Variants in BNC2 observed in about 807,000 individuals in gnomAD.
BNC2 encodes basonuclin zinc finger protein 2.
Under a neutral mutation model 76.3 loss-of-function variants are expected in BNC2, and 20 were observed. The observed-to-expected ratio is 0.26, with a 90% confidence interval of 0.18 to 0.38. BNC2 has a LOEUF of 0.38. Among genes scored for constraint, BNC2 ranks in the 10% least tolerant of loss-of-function variants. BNC2 has a pLI of 1.00. For missense variants in BNC2, 1,382 were observed against 1,399.8 expected, an observed-to-expected ratio of 0.99 and a Z score of 0.20; for synonymous variants, 582 against 514.8, an observed-to-expected ratio of 1.13 and a Z score of -1.77.
At chr9:16,542,372 G>C (rs938609142) in intron 5 of BNC2, among the ~76,000 whole-genome samples, 2 of 152,030 alleles carry the variant, frequency 1.3e-5, no homozygotes, top group African/African-American at 2.4e-5. Flanking sequence ...AAAAAAGAGA[G>C]AAAGAAAAGA....
At chr9:16,869,576 A>G (rs1195420869) in intron 1 of BNC2, among the ~76,000 whole-genome samples, 1 of 152,210 alleles carries the variant, frequency 6.6e-6, no homozygotes, top group Non-Finnish European at 1.5e-5. Flanking sequence ...TGTTCCCTCT[A>G]TATACGGAAT....
intron 1 of BNC2, among the ~76,000 whole-genome samples, chr9:16,789,685 A>G (rs181193425): frequency 1.9e-4 from 29 of 152,210 alleles, no homozygotes; most frequent in African/African-American, 7.0e-4. Context: ...TATTTCATTC[A>G]CAGAAATGTA....
intron 1 of BNC2, among the ~76,000 whole-genome samples, chr9:16,755,022 G>A (rs1825339459): frequency 6.6e-6 from 1 of 152,006 alleles, no homozygotes; most frequent in Non-Finnish European, 1.5e-5. Context: ...TCCACATATT[G>A]CCCACACTTA....
intron 4 of BNC2, among the ~76,000 whole-genome samples, chr9:16,563,311 C>T (rs760753883): frequency 3.9e-5 from 6 of 152,072 alleles, no homozygotes; most frequent in Non-Finnish European, 8.8e-5. Flanking sequence ...TGCCTCTAAA[C>T]TGAAGACTAA....
intron 5 of BNC2, among the ~76,000 whole-genome samples, chr9:16,480,111 A>C (rs1822014166): frequency 6.6e-6 from 1 of 152,236 alleles, no homozygotes; most frequent in South Asian, 2.1e-4. Flanking sequence ...TCTCCATTAA[A>C]TAGGTACTTT....
chr9:16,796,914 G>A (rs1366231731), intron 1 of BNC2, among the ~76,000 whole-genome samples: 7 of 152,058 alleles, frequency 4.6e-5, no homozygotes, highest in African/African-American at 9.7e-5. Flanking sequence ...TTAAATTGTC[G>A]CAAGTTGAAC....
intron 1 of BNC2, among the ~76,000 whole-genome samples, chr9:16,828,365 C>A (rs1217825254): frequency 1.3e-5 from 2 of 152,120 alleles, no homozygotes; most frequent in African/African-American, 4.8e-5. Context: ...ACTTACAAAA[C>A]CCTAACTGAA....
intron 5 of BNC2, among the ~76,000 whole-genome samples, chr9:16,459,101 T>C (rs1051223175): frequency 6.6e-6 from 1 of 152,152 alleles, no homozygotes; most frequent in Non-Finnish European, 1.5e-5. Context: ...AAAGAAACAA[T>C]TATAGAGTTA....
intron 5 of BNC2, among the ~76,000 whole-genome samples, chr9:16,468,131 C>T (rs1329782186): frequency 6.7e-6 from 1 of 150,160 alleles, no homozygotes; most frequent in African/African-American, 2.5e-5. Flanking sequence ...GCCTTGACCT[C>T]CTGGGCTCAA....
At chr9:16,473,478 T>TG (rs1210667699) in intron 5 of BNC2, 1 of 152,124 alleles carries the variant, frequency 6.6e-6, no homozygotes, top group East Asian at 1.9e-4. Flanking sequence ...ATAAAAGTGT[T>TG]GATCCCAGCT....
intron 1 of BNC2, among the ~76,000 whole-genome samples, chr9:16,824,848 G>A (rs1181610390): frequency 6.6e-6 from 1 of 152,118 alleles, no homozygotes; most frequent in East Asian, 1.9e-4. Context: ...TGTTAGCCTG[G>A]AGTGCAAATA....
At chr9:16,452,078 G>A (rs1821351833) in intron 5 of BNC2, among the ~76,000 whole-genome samples, 1 of 152,184 alleles carries the variant, frequency 6.6e-6, no homozygotes, top group Admixed American at 6.5e-5. Flanking sequence ...AGTTCCCCAG[G>A]ACCAATGGTG....
intron 3 of BNC2, among the ~76,000 whole-genome samples, chr9:16,586,422 T>A (rs1819772284): frequency 6.6e-6 from 1 of 152,200 alleles, no homozygotes; most frequent in African/African-American, 2.4e-5. Context: ...ACAATCCAGA[T>A]TCTGCCCCAC....
At chr9:16,769,244 G>T (rs1349618479) in intron 1 of BNC2, among the ~76,000 whole-genome samples, 1 of 152,184 alleles carries the variant, frequency 6.6e-6, no homozygotes, top group Non-Finnish European at 1.5e-5. Context: ...CTACAGGTCT[G>T]CAGGCTTCAT....
intron 1 of BNC2, among the ~76,000 whole-genome samples, chr9:16,799,954 G>A (rs762758983): frequency 6.6e-6 from 1 of 152,042 alleles, no homozygotes; most frequent in Non-Finnish European, 1.5e-5. Flanking sequence ...GCCGGGCGCG[G>A]TGGCTCATGC....
intron 1 of BNC2, among the ~76,000 whole-genome samples, chr9:16,866,869 G>A (rs1407196205): frequency 6.6e-6 from 1 of 151,958 alleles, no homozygotes; most frequent in Non-Finnish European, 1.5e-5. Flanking sequence ...CCATCCAACA[G>A]GAAAGATTTG....
intron 5 of BNC2, chr9:16,473,157 G>A (rs1438672939): frequency 1.3e-5 from 2 of 152,270 alleles, no homozygotes; most frequent in Non-Finnish European, 2.9e-5. Flanking sequence ...ACTTGTCACA[G>A]TGGAACCTTA....
At chr9:16,462,385 C>T (rs1237475004) in intron 5 of BNC2, among the ~76,000 whole-genome samples, 4 of 152,158 alleles carry the variant, frequency 2.6e-5, no homozygotes, top group African/African-American at 4.8e-5. Context: ...AGCACCTATG[C>T]CTATACCTTC....
At chr9:16,470,853 G>A (rs1318753864) in intron 5 of BNC2, among the ~76,000 whole-genome samples, 1 of 152,230 alleles carries the variant, frequency 6.6e-6, no homozygotes, top group Admixed American at 6.5e-5. Context: ...AGTGCAAAAG[G>A]GAAACATAGG....
Sources: gnomAD v4.1 joint callset for allele counts (sites outside exome capture counted in the v4.1 genomes callset) on GRCh38, gnomAD v4.1.1 for gene constraint, MANE v1.5 for transcripts, NCBI Gene and HGNC (gene_info 2026-07-23, HGNC 2026-07-21) for gene names.